C4orf36: variants seen among roughly 807,000 people sequenced by gnomAD.
The protein encoded by C4orf36 is chromosome 4 open reading frame 36, also known as uncharacterized protein C4orf36.
C4orf36 carries 11 observed loss-of-function variants against 12.2 expected under a neutral mutation model. That is an observed-to-expected ratio of 0.90 (90% CI 0.57 to 1.49). The LOEUF is 1.49. Among genes scored for constraint, C4orf36 ranks in the 40% most tolerant of loss-of-function variants. The pLI is 0.00. For synonymous variants in C4orf36, 54 were observed against 51.3 expected, an observed-to-expected ratio of 1.05 and a Z score of -0.22; for missense variants, 137 against 133.9, an observed-to-expected ratio of 1.02 and a Z score of -0.11.
chr4:86,926,491 A>G, the C4orf36 span, among the ~76,000 whole-genome samples: 1 of 152,130 alleles, frequency 6.6e-6, no homozygotes, highest in African/African-American at 2.4e-5. Flanking sequence ...TGTTCATTTA[A>G]CCCAAAACAA....
chr4:86,900,323 G>A, the C4orf36 span, among the ~76,000 whole-genome samples: 6 of 152,096 alleles, frequency 3.9e-5, no homozygotes, highest in Non-Finnish European at 7.4e-5. Flanking sequence ...GTGAGCCACC[G>A]CACCTGGCAG....
intron 3 of C4orf36, 113 bp from the exon 4 acceptor site, chr4:86,888,006 A>T: frequency 6.5e-7 from 1 of 1,542,394 alleles, no homozygotes; most frequent in Non-Finnish European, 8.8e-7. Context: ...AAACAAGATG[A>T]CAGAGCTACA....
upstream of C4orf36, among the ~76,000 whole-genome samples, chr4:86,896,455 G>C (rs927782186): frequency 1.5e-4 from 23 of 152,128 alleles, no homozygotes; most frequent in African/African-American, 5.6e-4. Flanking sequence ...AAACTCTCTA[G>C]TAATGACACC....
intron 4 of C4orf36, among the ~76,000 whole-genome samples, chr4:86,876,980 T>C (rs1186597263): frequency 1.3e-5 from 2 of 152,176 alleles, no homozygotes; most frequent in African/African-American, 4.8e-5. Context: ...TTTTAAAATA[T>C]TTACAGTTTT....
At chr4:86,903,907 C>T in the C4orf36 span, among the ~76,000 whole-genome samples, 1 of 152,282 alleles carries the variant, frequency 6.6e-6, no homozygotes, top group African/African-American at 2.4e-5. Context: ...CACTGACTAG[C>T]TAGACACAGA....
chr4:86,917,563 G>A, the C4orf36 span, among the ~76,000 whole-genome samples: 4 of 134,348 alleles, frequency 3.0e-5, no homozygotes, highest in Admixed American at 7.4e-5. Flanking sequence ...GGAAGAGAGA[G>A]TGAGGGAGGG....
chr4:86,893,405 G>A (rs1463481705), upstream of C4orf36, among the ~76,000 whole-genome samples: 1 of 152,120 alleles, frequency 6.6e-6, no homozygotes, highest in Non-Finnish European at 1.5e-5. Context: ...CAACCGACAT[G>A]GTGAAACCCT....
In C4orf36 at chr4:86,892,218, C is replaced by A; in HGVS notation, c.-109G>T. ...CCCTGCCTCCGACTCGCCAGGAATGCGCTGTGTGCGCGGGGCTTCCAGGGT... is the reference window on the plus strand; with the variant it reads ...CCCTGCCTCCGACTCGCCAGGAATGAGCTGTGTGCGCGGGGCTTCCAGGGT... On this transcript the variant is annotated 5_prime_UTR_variant, in exon 1 of 5. Coordinates refer to ENST00000295898, the MANE Select transcript of C4orf36 (RefSeq NM_144645.4). 2.0e-6 allele frequency: 2 copies of A among 985,636 alleles called. No individual in the cohort carries two copies. The highest frequency in any genetic ancestry group is 2.4e-6 in the Non-Finnish European group (2 of 830,084). 61.1% of individuals were successfully genotyped at this position (985,636 alleles called of 1,614,324 possible). A position where few individuals can be genotyped will look rare whatever the true frequency, so the allele number is the denominator to read the frequency against.
chr4:86,880,440 C>T (rs551871074), intron 4 of C4orf36, among the ~76,000 whole-genome samples: 8 of 152,004 alleles, frequency 5.3e-5, no homozygotes, highest in South Asian at 4.1e-4. Flanking sequence ...GGTGACAGAG[C>T]GAGACTCCGT....
intron 2 of C4orf36, among the ~76,000 whole-genome samples, chr4:86,890,926 G>C (rs1243150121): frequency 2.6e-5 from 4 of 152,174 alleles, no homozygotes; most frequent in Non-Finnish European, 4.4e-5. Context: ...AGGGAGCTGG[G>C]GGCAGGGCCA....
At chr4:86,879,856 T>C (rs1208623157) in intron 4 of C4orf36, among the ~76,000 whole-genome samples, 2 of 150,934 alleles carry the variant, frequency 1.3e-5, no homozygotes, top group East Asian at 1.9e-4. Context: ...TGTTTCTTTT[T>C]TTTTTTTTTT....
the C4orf36 span, among the ~76,000 whole-genome samples, chr4:86,923,456 C>G: frequency 1.3e-5 from 2 of 151,782 alleles, no homozygotes; most frequent in South Asian, 4.2e-4. Flanking sequence ...TAGTTAGTAA[C>G]CTTTATATTA....
the C4orf36 span, among the ~76,000 whole-genome samples, chr4:86,919,310 T>TC: frequency 2.9e-3 from 322 of 110,180 alleles, 4 homozygotes; most frequent in African/African-American, 7.4e-3. Context: ...TCTGCTTTTT[T>TC]CCCCCTTTTT....
chr4:86,888,365 T>C, intron 2 of C4orf36, 90 bp from the exon 3 acceptor site: 1 of 1,319,832 alleles, frequency 7.6e-7, no homozygotes. Flanking sequence ...CAGTTCCATT[T>C]GCCACTAGAC....
intron 4 of C4orf36, chr4:86,887,126 T>TG (rs71657592): frequency 7.4e-6 from 1 of 136,006 alleles, no homozygotes; most frequent in African/African-American, 2.8e-5. Flanking sequence ...GGTGGGGGTA[T>TG]GGGGGAGGGA....
intron 1 of C4orf36, 194 bp downstream of exon 1, chr4:86,891,989 T>C: frequency 1.0e-6 from 1 of 990,812 alleles, no homozygotes; most frequent in Non-Finnish European, 1.2e-6. Context: ...TTCCCAGGTT[T>C]TCCCTCATTC....
chr4:86,892,184 T>C lies in C4orf36; in HGVS notation c.-75A>G. ...CTCAGCCTCGGCTCCTTCCCACACC[T>C]GGGCCCCACCCTGCCTCCGACTCGC... On this transcript the variant is annotated splice_region_variant and 5_prime_UTR_variant, in exon 1 of 5. Coordinates refer to ENST00000295898, the MANE Select transcript of C4orf36 (RefSeq NM_144645.4). 1.0e-6 allele frequency: 1 copy of C among 985,488 alleles called. No individual in the cohort carries two copies. Among genetic ancestry groups the C allele is most frequent in the Non-Finnish European group, 1.2e-6 (1 of 830,012 alleles). 61.0% of individuals were successfully genotyped at this position (985,488 alleles called of 1,614,324 possible).
the C4orf36 span, among the ~76,000 whole-genome samples, chr4:86,907,864 G>A: frequency 6.6e-6 from 1 of 151,786 alleles, no homozygotes; most frequent in East Asian, 1.9e-4. Flanking sequence ...AGCTGCTCAG[G>A]AGGCTGAGGC....
chr4:86,901,647 G>A, the C4orf36 span, among the ~76,000 whole-genome samples: 64 of 151,812 alleles, frequency 4.2e-4, no homozygotes, highest in African/African-American at 1.4e-3. Flanking sequence ...TCCTGACCTC[G>A]TGATCTGCCC....
Sources: gnomAD v4.1 joint callset for allele counts (sites outside exome capture counted in the v4.1 genomes callset) on GRCh38, gnomAD v4.1.1 for gene constraint, MANE v1.5 for transcripts, NCBI Gene and HGNC (gene_info 2026-07-23, HGNC 2026-07-21) for gene names.